IPO11: variants seen among roughly 807,000 people sequenced by gnomAD.
IPO11 encodes the protein importin 11.
IPO11 carries 66 observed loss-of-function variants against 143.2 expected under a neutral mutation model. The observed-to-expected ratio is 0.46, with a 90% CI of 0.38 to 0.57. The LOEUF (loss-of-function observed/expected upper bound fraction) is 0.57, where lower values mean the gene tolerates loss of function less well. Among genes scored for constraint, IPO11 ranks in the 20% least tolerant of loss-of-function variants. The pLI is 0.00. For synonymous variants in IPO11, 385 were observed against 377.8 expected, an observed-to-expected ratio of 1.02 and a Z score of -0.22; for missense variants, 1,026 against 1,141.0, an observed-to-expected ratio of 0.90 and a Z score of 1.45.
At position 62,564,592 on chromosome 5, in the gene IPO11, G is replaced by T. The variant is rs904173241; in HGVS notation, c.2582+3335G>T. ...ATTTGGGTCCAGATGATAATTTTTTGTGGGAGGGTGTCCTGTGCATTGTAG... is the reference window on the plus strand; with the variant it reads ...ATTTGGGTCCAGATGATAATTTTTTTTGGGAGGGTGTCCTGTGCATTGTAG... On this transcript the variant is annotated intron_variant, in intron 27 of 29. Coordinates refer to ENST00000325324, the MANE Select transcript of IPO11 (RefSeq NM_016338.5). Among the ~76,000 whole-genome samples, 8 of 151,838 alleles carry T rather than the reference G, an allele frequency of 5.3e-5. No individual in the cohort carries two copies. The East Asian group carries it at 1.5e-3, about 29-fold the overall frequency.
chr5:62,533,653 A>G (rs1742634648), intron 22 of IPO11, among the ~76,000 whole-genome samples: 2 of 152,210 alleles, frequency 1.3e-5, no homozygotes, highest in Admixed American at 1.3e-4. Context: ...CTATCTGTTT[A>G]TTAAGTATGA....
chr5:62,621,161 A>G (rs1369078554), intron 29 of IPO11, among the ~76,000 whole-genome samples: 1 of 152,214 alleles, frequency 6.6e-6, no homozygotes, highest in Non-Finnish European at 1.5e-5. Context: ...TTTCTAGCCA[A>G]TGCGATGAGA....
At position 62,451,902 on chromosome 5, in the gene IPO11, G is replaced by C. The variant is rs749706442; in HGVS notation, c.485G>C (p.Arg162Pro). Residue 162 changes from arginine (R) to proline (P), a missense_variant, in exon 5 of 30, where the codon CGA (arginine) becomes CCA (proline). By Grantham distance (103) the Arg-to-Pro change is moderately radical. Transcript: ENST00000325324. ...YHVTKTLASK[R>P]LAADRKLFYD... The stretch of plus-strand genomic sequence containing the variant: ...GTTACCAAGACACTGGCATCTAAAC[G>C]ACTTGCTGCTGATAGAAAACTATTT... The C allele has an allele frequency of 6.2e-7, 1 of 1,613,774 alleles. No homozygotes were observed. The highest frequency in any genetic ancestry group is 1.7e-5 in the Admixed American group (1 of 60,018).
At chr5:62,495,957 A>G (rs746667461) in intron 16 of IPO11, among the ~76,000 whole-genome samples, 4 of 152,108 alleles carry the variant, frequency 2.6e-5, no homozygotes, top group Non-Finnish European at 2.9e-5. Context: ...AAATATTCAA[A>G]TGGGCCTCTT....
chr5:62,603,153 A>G (rs1726321852), intron 29 of IPO11, among the ~76,000 whole-genome samples: 1 of 152,206 alleles, frequency 6.6e-6, no homozygotes, highest in Non-Finnish European at 1.5e-5. Flanking sequence ...TCTGGTCACA[A>G]AAACATCACC....
At chr5:62,440,963 C>CAA (rs991999963) in intron 2 of IPO11, among the ~76,000 whole-genome samples, 39 of 142,912 alleles carry the variant, frequency 2.7e-4, no homozygotes, top group African/African-American at 1.0e-3. Context: ...GACTCCATCT[C>CAA]AAAAAAAAAA....
chr5:62,554,268 C>G lies in IPO11; in HGVS notation c.2460+2932C>G, dbSNP rs1348806097. Reference sequence around the variant, plus strand: ...GTTGGTTGCTTTTGTCATATAGAAGCTTTTTAGTTTGATAGAATCCCATTT... The same window carrying G: ...GTTGGTTGCTTTTGTCATATAGAAGGTTTTTAGTTTGATAGAATCCCATTT... On this transcript the variant is annotated intron_variant, in intron 26 of 29. Coordinates refer to ENST00000325324, the MANE Select transcript of IPO11 (RefSeq NM_016338.5). Among the ~76,000 whole-genome samples the G allele has an allele frequency of 3.3e-5, 5 of 152,278 alleles. No individual in the cohort carries two copies. The East Asian group carries it at 9.7e-4, about 29-fold the overall frequency.
intron 28 of IPO11, among the ~76,000 whole-genome samples, chr5:62,593,115 A>G (rs780063244): frequency 6.6e-6 from 1 of 152,196 alleles, no homozygotes; most frequent in African/African-American, 2.4e-5. Context: ...GCAGACAGTT[A>G]TATCTTGTTT....
At chr5:62,471,045 C>T (rs980697738) in intron 7 of IPO11, among the ~76,000 whole-genome samples, 2 of 151,434 alleles carry the variant, frequency 1.3e-5, no homozygotes, top group Non-Finnish European at 2.9e-5. Context: ...CCAGGCTGGT[C>T]TTGAACTCCT....
In IPO11 at chr5:62,484,022, A is replaced by C; in HGVS notation, c.1034A>C (p.Glu345Ala). ...PSKNFEDSSP[E>A]TLEAHKIKMA... is the part of the protein sequence containing the mutation. ...TTCATTTTTCTAGATAGCAGCCCTG[A>C]AACTCTTGAAGCCCATAAGATTAAG... is the stretch of plus-strand genomic sequence containing the variant. Residue 345 changes from glutamate (E) to alanine (A), a missense_variant, in exon 11 of 30, where the codon GAA (glutamate) becomes GCA (alanine). Around this residue, in one of 5 missense-constraint regions of IPO11, gnomAD observed 429 missense variants for 456.3 expected, o/e 0.94. Coordinates refer to ENST00000325324, the MANE Select transcript of IPO11 (RefSeq NM_016338.5). The C allele has an allele frequency of 6.2e-7, 1 of 1,603,626 alleles. No individual in the cohort carries two copies. Among genetic ancestry groups the C allele is most frequent in the Non-Finnish European group, 8.5e-7 (1 of 1,176,882 alleles).
intron 29 of IPO11, among the ~76,000 whole-genome samples, chr5:62,616,719 C>CAA (rs538760503): frequency 0.11 from 9,607 of 84,198 alleles, 1,071 homozygotes; most frequent in African/African-American, 0.12. Flanking sequence ...GACTCTGACT[C>CAA]AAAAAAAAAA....
chr5:62,439,968 A>G (rs1744406192), intron 2 of IPO11, among the ~76,000 whole-genome samples: 1 of 152,048 alleles, frequency 6.6e-6, no homozygotes, highest in Non-Finnish European at 1.5e-5. Flanking sequence ...GACTTTTCTT[A>G]TTTTTGTAAG....
At chr5:62,467,948 G>GT (rs1372149725) in intron 6 of IPO11, among the ~76,000 whole-genome samples, 1 of 151,834 alleles carries the variant, frequency 6.6e-6, no homozygotes, top group African/African-American at 2.4e-5. Flanking sequence ...TTGTTTGTTT[G>GT]TTTTTTGTTT....
intron 24 of IPO11, among the ~76,000 whole-genome samples, chr5:62,538,665 T>G (rs1214699326): frequency 1.3e-5 from 2 of 152,196 alleles, no homozygotes; most frequent in African/African-American, 4.8e-5. Flanking sequence ...CCTTTATAAA[T>G]TACCCAGTCT....
Position 62,626,107 on chromosome 5 carries a change from G to T in IPO11, c.2764-1047G>T, listed in dbSNP as rs570908729. Among the ~76,000 whole-genome samples, 174 of 151,922 alleles carry T rather than the reference G, an allele frequency of 1.1e-3. 1 individual carries two copies. The highest frequency in any genetic ancestry group is 6.8e-3 in the Middle Eastern group (2 of 292). On this transcript the variant is annotated intron_variant, in intron 29 of 29. Transcript: ENST00000325324. ...TGCAATGGCACGATCTCAGCTCACT[G>T]CAACCTCCGCATCCCAGATTCAGGC...
At chr5:62,481,438 A>G (rs1225435005) in intron 9 of IPO11, among the ~76,000 whole-genome samples, 1 of 152,162 alleles carries the variant, frequency 6.6e-6, no homozygotes, top group Non-Finnish European at 1.5e-5. Flanking sequence ...TGTCCCATCA[A>G]TACCTAGTTT....
chr5:62,617,130 G>C (rs1415015700), intron 29 of IPO11, among the ~76,000 whole-genome samples: 1 of 152,130 alleles, frequency 6.6e-6, no homozygotes, highest in East Asian at 1.9e-4. Flanking sequence ...AAGGCAATTA[G>C]AACAATAAGG....
chr5:62,438,693 A>G (rs1177748274), intron 2 of IPO11, among the ~76,000 whole-genome samples: 2 of 151,674 alleles, frequency 1.3e-5, no homozygotes, highest in Non-Finnish European at 2.9e-5. Context: ...CGGAGGTTGC[A>G]GTGAGCTGAG....
At chr5:62,480,318 A>G (rs1746140076) in intron 9 of IPO11, among the ~76,000 whole-genome samples, 1 of 152,194 alleles carries the variant, frequency 6.6e-6, no homozygotes, top group African/African-American at 2.4e-5. Context: ...TCGTACCAGT[A>G]CCATGCTGTT....
Sources: allele counts gnomAD v4.1 joint callset (sites outside exome capture counted in the v4.1 genomes callset), GRCh38; gene constraint gnomAD v4.1.1; regional missense constraint gnomAD v4.1.1; transcripts MANE v1.5; gene names NCBI Gene and HGNC (gene_info 2026-07-23, HGNC 2026-07-21).